DPP6: variants seen among roughly 807,000 people sequenced by gnomAD.
DPP6 encodes the protein dipeptidyl peptidase like 6.
A neutral mutation model predicts 122.6 loss-of-function variants in DPP6; 69 were observed. That is an observed-to-expected ratio of 0.56 (90% confidence interval 0.46 to 0.69). DPP6 has a LOEUF of 0.69. Among genes scored for constraint, DPP6 ranks in the 30% least tolerant of loss-of-function variants. The probability of loss-of-function intolerance (pLI) is 0.00; values close to 1 mark genes in which losing one functional copy is unlikely to be tolerated. For synonymous variants in DPP6, 418 were observed against 433.1 expected (o/e 0.97, Z 0.43); for missense variants, 928 against 1,116.9 (o/e 0.83, Z 2.41).
At chr7:154,696,867 G>A (rs1291530677) in intron 7 of DPP6, among the ~76,000 whole-genome samples, 1 of 152,154 alleles carries the variant, frequency 6.6e-6, no homozygotes, top group African/African-American at 2.4e-5. Flanking sequence ...GGCCTCGGGG[G>A]GCCGGTCACA....
At chr7:154,014,861 G>C (rs1798328713) in intron 1 of DPP6, among the ~76,000 whole-genome samples, 1 of 151,848 alleles carries the variant, frequency 6.6e-6, no homozygotes, top group Non-Finnish European at 1.5e-5. Context: ...CAGTCACTAA[G>C]GATCCCATTA....
the DPP6 span, among the ~76,000 whole-genome samples, chr7:153,763,094 G>A: frequency 6.6e-6 from 1 of 152,152 alleles, no homozygotes; most frequent in Non-Finnish European, 1.5e-5. Context: ...CAGAAATCAT[G>A]AGGCCCTGAA....
At chr7:153,917,990 G>C (rs183485586) in intron 1 of DPP6, among the ~76,000 whole-genome samples, 192 of 152,282 alleles carry the variant, frequency 1.3e-3, no homozygotes, top group African/African-American at 4.3e-3. Context: ...GATGTTTTCT[G>C]TCATCCTGGG....
chr7:154,615,626 G>A (rs547490624), intron 5 of DPP6, among the ~76,000 whole-genome samples: 4 of 151,038 alleles, frequency 2.6e-5, no homozygotes, highest in Non-Finnish European at 4.4e-5. Flanking sequence ...TTCATCACCC[G>A]CAACAGATCC....
chr7:154,883,793 AC>A (rs1805734596), intron 21 of DPP6: 1 of 139,836 alleles, frequency 7.2e-6, no homozygotes, highest in African/African-American at 2.7e-5. Context: ...AATTACATAC[AC>A]CGACTCACGC....
At chr7:154,843,697 C>T (rs1362134716) in intron 16 of DPP6, among the ~76,000 whole-genome samples, 4 of 152,224 alleles carry the variant, frequency 2.6e-5, no homozygotes, top group Non-Finnish European at 5.9e-5. Context: ...GCTGCTGTTG[C>T]TCTTACTAAA....
At chr7:154,016,827 T>C (rs1483471701) in intron 1 of DPP6, among the ~76,000 whole-genome samples, 2 of 152,206 alleles carry the variant, frequency 1.3e-5, no homozygotes, top group Non-Finnish European at 2.9e-5. Context: ...CACTTCATTT[T>C]GAGCCATTAG....
intron 7 of DPP6, among the ~76,000 whole-genome samples, chr7:154,673,861 G>T (rs1195027639): frequency 6.6e-6 from 1 of 151,506 alleles, no homozygotes; most frequent in Admixed American, 6.6e-5. Flanking sequence ...CCTGAACTGA[G>T]ATTTCCTCCA....
chr7:153,756,027 G>A, the DPP6 span, among the ~76,000 whole-genome samples: 1 of 151,972 alleles, frequency 6.6e-6, no homozygotes, highest in African/African-American at 2.4e-5. Flanking sequence ...CACCATCTAT[G>A]GACATGAGTA....
intron 1 of DPP6, among the ~76,000 whole-genome samples, chr7:154,158,977 C>T (rs887586101): frequency 2.6e-5 from 4 of 152,090 alleles, no homozygotes; most frequent in Non-Finnish European, 1.5e-5. Flanking sequence ...CCATTCCCCG[C>T]TGGGACTGGA....
At chr7:154,623,687 A>T (rs555425659) in intron 5 of DPP6, among the ~76,000 whole-genome samples, 1 of 152,306 alleles carries the variant, frequency 6.6e-6, no homozygotes, top group South Asian at 2.1e-4. Flanking sequence ...GCACATGCAC[A>T]CACAGAGTCA....
intron 1 of DPP6, among the ~76,000 whole-genome samples, chr7:154,440,956 T>C (rs55913432): frequency 0.017 from 2,575 of 152,282 alleles, 30 homozygotes; most frequent in Non-Finnish European, 0.022. Flanking sequence ...GATCGTGAAA[T>C]CATCCTCCAA....
At chr7:153,787,843 T>G in the DPP6 span, among the ~76,000 whole-genome samples, 115 of 150,998 alleles carry the variant, frequency 7.6e-4, 1 homozygote, top group African/African-American at 2.6e-3. Flanking sequence ...ATTTCTTTTT[T>G]TTTTTTTTCC....
At chr7:153,854,982 A>G in the DPP6 span, among the ~76,000 whole-genome samples, 3 of 145,074 alleles carry the variant, frequency 2.1e-5, no homozygotes, top group Non-Finnish European at 4.5e-5. Flanking sequence ...GTAAACTATC[A>G]CAAGAACAAA....
chr7:154,541,275 C>T (rs1015845316), intron 4 of DPP6, among the ~76,000 whole-genome samples: 6 of 152,090 alleles, frequency 3.9e-5, no homozygotes, highest in Non-Finnish European at 7.4e-5. Context: ...GGACTACAGG[C>T]GTGTGCCGCC....
intron 1 of DPP6, among the ~76,000 whole-genome samples, chr7:154,289,102 G>A (rs1194681908): frequency 6.6e-6 from 1 of 152,172 alleles, no homozygotes; most frequent in Non-Finnish European, 1.5e-5. Flanking sequence ...GGAAGCTGAT[G>A]AAAGAAAGAG....
intron 8 of DPP6, among the ~76,000 whole-genome samples, chr7:154,765,425 C>T (rs149981171): frequency 6.6e-6 from 1 of 152,328 alleles, no homozygotes; most frequent in East Asian, 1.9e-4. Flanking sequence ...TAGTGGTGGT[C>T]ACCTCTTCAT....
At chr7:154,498,032 G>A (rs1325288708) in intron 3 of DPP6, among the ~76,000 whole-genome samples, 1 of 152,172 alleles carries the variant, frequency 6.6e-6, no homozygotes, top group Non-Finnish European at 1.5e-5. Context: ...CATCAGGGAA[G>A]GGGTGAAACC....
intron 4 of DPP6, among the ~76,000 whole-genome samples, chr7:154,543,796 C>A (rs1030918509): frequency 1.3e-5 from 2 of 151,888 alleles, no homozygotes; most frequent in Non-Finnish European, 2.9e-5. Context: ...GAGTTCGAGA[C>A]CAGCATGGCC....
Sources: allele counts gnomAD v4.1 joint callset (sites outside exome capture counted in the v4.1 genomes callset), GRCh38; gene constraint gnomAD v4.1.1; transcripts MANE v1.5; gene names NCBI Gene and HGNC (gene_info 2026-07-23, HGNC 2026-07-21).